TRDMT1: variants seen among roughly 807,000 people sequenced by gnomAD.
TRDMT1 encodes the protein tRNA aspartic acid methyltransferase 1, also known as tRNA (cytosine(38)-C(5))-methyltransferase.
TRDMT1 carries 49 observed loss-of-function variants against 51.2 expected under a neutral mutation model. The observed-to-expected ratio is 0.96, with a 90% confidence interval of 0.76 to 1.21. The LOEUF (loss-of-function observed/expected upper bound fraction) is 1.21. Among genes scored for constraint, TRDMT1 ranks in the 50% most tolerant of loss-of-function variants. TRDMT1 has a pLI of 0.00. For synonymous variants in TRDMT1, 187 were observed against 164.6 expected, an observed-to-expected ratio of 1.14 and a Z score of -1.04; for missense variants, 534 against 462.3, an observed-to-expected ratio of 1.16 and a Z score of -1.42.
chr10:17,172,250 G>A (rs927445570), intron 2 of TRDMT1, among the ~76,000 whole-genome samples: 1 of 152,152 alleles, frequency 6.6e-6, no homozygotes, highest in African/African-American at 2.4e-5. Flanking sequence ...AGGAATGAAA[G>A]CAGAAATTAT....
intron 10 of TRDMT1, chr10:17,150,909 G>A (rs1838610507): frequency 1.0e-6 from 1 of 985,336 alleles, no homozygotes; most frequent in South Asian, 4.7e-5. Context: ...GACTATCCCA[G>A]AGATGATCTT....
Position 17,145,182 on chromosome 10 carries a change from G to T in TRDMT1, c.*3858C>A. 1 of 722,474 alleles carries T rather than the reference G, an allele frequency of 1.4e-6. No homozygotes were observed. The highest frequency in any genetic ancestry group is 1.7e-6 in the Non-Finnish European group (1 of 589,946). The allele number at this position is 722,474 out of a possible 1,614,324, so 44.8% of individuals were successfully genotyped here. On this transcript the variant is annotated 3_prime_UTR_variant, in exon 11 of 11. Transcript: ENST00000377799. The stretch of plus-strand genomic sequence containing the variant: ...AAATCACTTTAACCCAGGAGGGGGA[G>T]ATTGCAGTGAGCCGAGATCACGCCA...
chr10:17,151,507 T>C, intron 10 of TRDMT1: 2 of 984,988 alleles, frequency 2.0e-6, no homozygotes, highest in Non-Finnish European at 2.4e-6. Context: ...GGGTCAATAA[T>C]GTTGGAAACA....
intron 1 of TRDMT1, among the ~76,000 whole-genome samples, chr10:17,197,633 A>G (rs1845629107): frequency 6.6e-6 from 1 of 152,250 alleles, no homozygotes; most frequent in Non-Finnish European, 1.5e-5. Flanking sequence ...TCCAGAATAT[A>G]TAAAGCCTAC....
At chr10:17,194,042 C>CA (rs1299219772) in intron 1 of TRDMT1, among the ~76,000 whole-genome samples, 4 of 151,434 alleles carry the variant, frequency 2.6e-5, no homozygotes, top group East Asian at 1.9e-4. Flanking sequence ...ACAAAGTAGA[C>CA]AAAAAAAATG....
chr10:17,200,255 G>C (rs1452383251), intron 1 of TRDMT1, among the ~76,000 whole-genome samples: 1 of 152,204 alleles, frequency 6.6e-6, no homozygotes, highest in Non-Finnish European at 1.5e-5. Flanking sequence ...CTGAATTACA[G>C]CTTATGATAA....
intron 10 of TRDMT1, chr10:17,150,546 A>T (rs1838554939): frequency 1.0e-6 from 1 of 985,414 alleles, no homozygotes; most frequent in Non-Finnish European, 1.2e-6. Flanking sequence ...AAGCGTGTGC[A>T]CTATAATGTT....
In TRDMT1 at chr10:17,144,557, G is replaced by C. The variant is rs1291038053; in HGVS notation, c.*4483C>G. On this transcript the variant is annotated 3_prime_UTR_variant, in exon 11 of 11. Transcript: ENST00000377799. ...TGGATGTGGCTGAAAGTAAGACTCA[G>C]AATCTATGGTAAATATAAAGCCAAT... is the stretch of plus-strand genomic sequence containing the variant. 4.1e-6 allele frequency: 4 copies of C among 985,618 alleles called. No homozygotes were observed. In the East Asian group the frequency reaches 4.5e-4, roughly 112 times the overall value. The allele number at this position is 985,618 out of a possible 1,614,324, so 61.1% of individuals were successfully genotyped here.
intron 8 of TRDMT1, among the ~76,000 whole-genome samples, chr10:17,155,424 A>G (rs1050337859): frequency 6.6e-6 from 1 of 152,190 alleles, no homozygotes; most frequent in Non-Finnish European, 1.5e-5. Flanking sequence ...AATGTTGTAC[A>G]GGTGAAAAGA....
In TRDMT1 at chr10:17,140,214, AT is replaced by A. The variant is rs35309958; in HGVS notation, c.*8825del. On this transcript the variant is annotated 3_prime_UTR_variant, in exon 11 of 11. Transcript: ENST00000377799. ...CAGGCACATGCCACCACATCCAGCTATTTTTTTTTTTTTTTTGTACCTTTAG... is the reference window on the plus strand; with the variant it reads ...CAGGCACATGCCACCACATCCAGCTATTTTTTTTTTTTTTTGTACCTTTAG... Among the ~76,000 whole-genome samples the A allele has an allele frequency of 0.11, 13,849 of 131,098 alleles. 1,186 individuals carry two copies. Among genetic ancestry groups the A allele is most frequent in the African/African-American group, 0.27 (9,171 of 34,380 alleles). 86.0% of individuals were successfully genotyped at this position (131,098 alleles called of 152,430 possible). A position where few individuals can be genotyped will look rare whatever the true frequency, so the allele number is the denominator to read the frequency against.
At chr10:17,164,825 C>T (rs989425320) in intron 3 of TRDMT1, among the ~76,000 whole-genome samples, 5 of 152,218 alleles carry the variant, frequency 3.3e-5, no homozygotes, top group Admixed American at 6.5e-5. Flanking sequence ...ATGTGAAGGA[C>T]CTCTTCAAGA....
intron 4 of TRDMT1, 113 bp from the exon 5 acceptor site, chr10:17,161,661 A>T: frequency 1.6e-6 from 1 of 624,798 alleles, no homozygotes; most frequent in Non-Finnish European, 2.4e-6. Flanking sequence ...AACTCTTTTT[A>T]AAATGGAATT....
In TRDMT1 at chr10:17,141,131, G is replaced by A. The variant is rs1460359572; in HGVS notation, c.*7909C>T. Among the ~76,000 whole-genome samples, 2 of 152,154 alleles carry A rather than the reference G, an allele frequency of 1.3e-5. No individual in the cohort carries two copies. The highest frequency in any genetic ancestry group is 2.9e-5 in the Non-Finnish European group (2 of 68,026). On this transcript the variant is annotated 3_prime_UTR_variant, in exon 11 of 11. Transcript: ENST00000377799. ...ATCCAAATTGTGTCCCCCGCCCCAT[G>A]GCAACGTGTCATTTTTCTCCAGCTG...
At chr10:17,176,329 T>C (rs1192505649) in intron 1 of TRDMT1, among the ~76,000 whole-genome samples, 1 of 152,224 alleles carries the variant, frequency 6.6e-6, no homozygotes, top group African/African-American at 2.4e-5. Context: ...ATAGGACTTG[T>C]ATCTTTTTTC....
Position 17,157,438 on chromosome 10 carries a change from T to C in TRDMT1, c.887+3A>G. On this transcript the variant is annotated splice_donor_region_variant and intron_variant, in intron 8 of 10. Coordinates refer to ENST00000377799, the MANE Select transcript of TRDMT1 (RefSeq NM_004412.7). ...ACAGGATCAATAGATCTTTAAAACC[T>C]ACCCTTTGGTAAAGCACACGGACCT... The C allele has an allele frequency of 6.3e-7, 1 of 1,589,564 alleles. No individual in the cohort carries two copies. The highest frequency in any genetic ancestry group is 1.1e-5 in the South Asian group (1 of 88,404).
chr10:17,148,407 A>G lies in TRDMT1; in HGVS notation c.*633T>C. 4.1e-6 allele frequency: 4 copies of G among 985,466 alleles called. No homozygotes were observed. The highest frequency in any genetic ancestry group is 4.8e-6 in the Non-Finnish European group (4 of 829,938). The allele number at this position is 985,466 out of a possible 1,614,324, so 61.0% of individuals were successfully genotyped here. A position where few individuals can be genotyped will look rare whatever the true frequency, so the allele number is the denominator to read the frequency against. The stretch of plus-strand genomic sequence containing the variant: ...AGGAAAAATGAGTTTTGTCCTTCAG[A>G]TAGAGGCTGAGGAAAATGTAGATAA... On this transcript the variant is annotated 3_prime_UTR_variant, in exon 11 of 11. Coordinates refer to ENST00000377799, the MANE Select transcript of TRDMT1 (RefSeq NM_004412.7).
intron 1 of TRDMT1, chr10:17,201,281 C>A (rs1846122329): frequency 2.5e-6 from 1 of 396,108 alleles, no homozygotes; most frequent in African/African-American, 2.1e-5. Context: ...CCTTTGATAC[C>A]CTTTGAGGTT....
chr10:17,145,418 A>G lies in TRDMT1; in HGVS notation c.*3622T>C. ...CACATTTGAATGGTAGATGGAAGAG[A>G]TTAACTAGTAGACAGAGGTCCAAAG... On this transcript the variant is annotated 3_prime_UTR_variant, in exon 11 of 11. Coordinates refer to ENST00000377799, the MANE Select transcript of TRDMT1 (RefSeq NM_004412.7). The G allele has an allele frequency of 1.0e-6, 1 of 985,432 alleles. No individual in the cohort carries two copies. Among genetic ancestry groups the G allele is most frequent in the Non-Finnish European group, 1.2e-6 (1 of 829,942 alleles). The allele number at this position is 985,432 out of a possible 1,614,324, so 61.0% of individuals were successfully genotyped here. A position where few individuals can be genotyped will look rare whatever the true frequency, so the allele number is the denominator to read the frequency against.
At chr10:17,198,027 T>C (rs1845679758) in intron 1 of TRDMT1, among the ~76,000 whole-genome samples, 1 of 141,182 alleles carries the variant, frequency 7.1e-6, no homozygotes, top group Non-Finnish European at 1.6e-5. Context: ...AGAGCGAAAC[T>C]CCATCTCAAA....
Sources: gnomAD v4.1 joint callset for allele counts (sites outside exome capture counted in the v4.1 genomes callset) on GRCh38, gnomAD v4.1.1 for gene constraint, MANE v1.5 for transcripts, NCBI Gene and HGNC (gene_info 2026-07-23, HGNC 2026-07-21) for gene names.